The following RGP1 variants were observed in gnomAD, a reference collection of about 807,000 sequenced individuals.
RGP1 encodes the protein RAB6A-GEF complex partner protein 2.
A neutral mutation model predicts 44.5 loss-of-function variants in RGP1; 28 were observed. That is an observed-to-expected ratio of 0.63 (90% CI 0.47 to 0.86). The LOEUF (loss-of-function observed/expected upper bound fraction) is 0.86. Among genes scored for constraint, RGP1 ranks in the 40% least tolerant of loss-of-function variants. The probability of loss-of-function intolerance (pLI) is 0.00; values close to 1 mark genes in which losing one functional copy is unlikely to be tolerated. For synonymous variants in RGP1, 212 were observed against 196.7 expected, an observed-to-expected ratio of 1.08 and a Z score of -0.65; for missense variants, 417 against 490.7, an observed-to-expected ratio of 0.85 and a Z score of 1.42.
chr9:35,769,657 G>A, the RGP1 span, among the ~76,000 whole-genome samples: 1 of 152,138 alleles, frequency 6.6e-6, no homozygotes, highest in Non-Finnish European at 1.5e-5. Flanking sequence ...AAAGTTTCAG[G>A]CAGAAGGAAC....
At chr9:35,773,525 C>T in the RGP1 span, among the ~76,000 whole-genome samples, 504 of 149,630 alleles carry the variant, frequency 3.4e-3, 3 homozygotes, top group African/African-American at 0.012. Flanking sequence ...TTTTTTGAGA[C>T]GGAGGCTGCT....
At chr9:35,787,124 A>G in the RGP1 span, among the ~76,000 whole-genome samples, 8,731 of 151,400 alleles carry the variant, frequency 0.058, 844 homozygotes, top group African/African-American at 0.2. Flanking sequence ...TTTTTTAAAT[A>G]ATAAATTAAA....
the RGP1 span, among the ~76,000 whole-genome samples, chr9:35,782,134 C>G: frequency 2.8e-4 from 42 of 151,720 alleles, no homozygotes; most frequent in African/African-American, 7.5e-4. Flanking sequence ...TTACAGGCGC[C>G]TGCCACTATG....
downstream of RGP1, among the ~76,000 whole-genome samples, chr9:35,761,887 C>G (rs186312039): frequency 1.3e-4 from 20 of 152,242 alleles, no homozygotes; most frequent in East Asian, 3.9e-3. Flanking sequence ...GGTGTGGTGG[C>G]TCACACCTGT....
At chr9:35,783,668 C>T in the RGP1 span, among the ~76,000 whole-genome samples, 1 of 152,040 alleles carries the variant, frequency 6.6e-6, no homozygotes, top group Non-Finnish European at 1.5e-5. Context: ...GTAAATATAC[C>T]ACATTATCTT....
the RGP1 span, among the ~76,000 whole-genome samples, chr9:35,783,075 C>G: frequency 2.0e-5 from 3 of 152,188 alleles, no homozygotes; most frequent in Non-Finnish European, 2.9e-5. Flanking sequence ...TCCCAAAGTG[C>G]TGGGATTACA....
In RGP1 at chr9:35,749,333, C is replaced by T. The variant is rs993609834; in HGVS notation, c.-95C>T. Reference sequence around the variant, plus strand: ...CGGACGCCGCCGCCGCCGCCGCCGCCGCGTACCTAGCCAGGTCCCTGAGGG... The same window carrying T: ...CGGACGCCGCCGCCGCCGCCGCCGCTGCGTACCTAGCCAGGTCCCTGAGGG... On this transcript the variant is annotated 5_prime_UTR_variant, in exon 1 of 9. Transcript: ENST00000378078. The surrounding 1 kb of genome is among the most constrained non-coding windows in gnomAD (Gnocchi z 4.4). The T allele has an allele frequency of 3.8e-6, 2 of 531,690 alleles. No individual in the cohort carries two copies. Among genetic ancestry groups the T allele is most frequent in the South Asian group, 2.8e-5 (2 of 71,284 alleles). 32.9% of individuals were successfully genotyped at this position (531,690 alleles called of 1,614,324 possible).
chr9:35,773,649 A>T, the RGP1 span, among the ~76,000 whole-genome samples: 1 of 151,908 alleles, frequency 6.6e-6, no homozygotes, highest in African/African-American at 2.4e-5. Flanking sequence ...CTACAGGCGC[A>T]TGCCACTAGG....
chr9:35,770,852 C>T, the RGP1 span, among the ~76,000 whole-genome samples: 1 of 152,188 alleles, frequency 6.6e-6, no homozygotes, highest in Non-Finnish European at 1.5e-5. Context: ...AATAGAGCAG[C>T]CTTCTGCCTG....
In RGP1 at chr9:35,757,371, G is replaced by A. The variant is rs531479525; in HGVS notation, c.*4497G>A. On this transcript the variant is annotated 3_prime_UTR_variant, in exon 9 of 9. Transcript: ENST00000378078. ...ACTGAACACAGTCTGACTGTATGGA[G>A]GCAGGTGGGGAGGGATCCCCTGGGA... 2.0e-5 allele frequency: 3 copies of A among 152,564 alleles called. No homozygotes were observed. The East Asian group carries it at 5.8e-4, about 29-fold the overall frequency. The allele number at this position is 152,564 out of a possible 1,614,324, so 9.5% of individuals were successfully genotyped here.
chr9:35,772,272 G>A, the RGP1 span: 3 of 152,220 alleles, frequency 2.0e-5, no homozygotes, highest in African/African-American at 7.2e-5. Flanking sequence ...TGGAGATGGG[G>A]AGCTTCGAGC....
the RGP1 span, among the ~76,000 whole-genome samples, chr9:35,774,888 T>TGG: frequency 3.0e-4 from 46 of 151,676 alleles, no homozygotes; most frequent in African/African-American, 1.1e-3. Context: ...CAAATTTTGG[T>TGG]GGGGGGGGCT....
Position 35,753,933 on chromosome 9 carries a change from G to A in RGP1, c.*1059G>A. The A allele has an allele frequency of 5.1e-6, 8 of 1,571,784 alleles. No individual in the cohort carries two copies. The African/African-American group carries it at 9.4e-5, about 19-fold the overall frequency. On this transcript the variant is annotated 3_prime_UTR_variant, in exon 9 of 9. Transcript: ENST00000378078. This position sits in a 1 kb window ranked among gnomAD's most constrained non-coding sequence, Gnocchi z 4.2. ...TGGGTATTTTGACACGGGATCATCT[G>A]TAAGGCCCCATCCTCCCTGTGCCCT...
the RGP1 span, among the ~76,000 whole-genome samples, chr9:35,788,774 C>A: frequency 6.6e-6 from 1 of 152,050 alleles, no homozygotes; most frequent in Non-Finnish European, 1.5e-5. Flanking sequence ...CCAAATACAG[C>A]CAAAATATTA....
chr9:35,759,910 A>ATTTTTCCTTTTTTTTTTTTTTTTTTTT (rs1827404216), downstream of RGP1, among the ~76,000 whole-genome samples: 1 of 97,006 alleles, frequency 1.0e-5, no homozygotes, highest in Non-Finnish European at 2.2e-5. Flanking sequence ...TCCTTTATTC[A>ATTTTTCCTTTTTTTTTTTTTTTTTTTT]TTTTTCCTTT....
the RGP1 span, among the ~76,000 whole-genome samples, chr9:35,787,148 A>G: frequency 6.6e-6 from 1 of 151,832 alleles, no homozygotes; most frequent in Non-Finnish European, 1.5e-5. Flanking sequence ...AATAAAAAAG[A>G]AAATATTTTG....
rs1385146662 is a variant in RGP1 at position 35,750,943 on chromosome 9, C to G, written c.441C>G (p.Ser147=). 2 of 1,613,868 alleles carry G rather than the reference C, an allele frequency of 1.2e-6. No homozygotes were observed. The highest frequency in any genetic ancestry group is 2.7e-5 in the African/African-American group (2 of 74,934). Residue 147 remains serine (S), a synonymous_variant, in exon 5 of 9, where the codon TCC becomes TCG. Transcript: ENST00000378078. ...CCATTGGCTGCCAGCGTGTCAACTC[C>G]CCTATCACTTTACTCAGAGTCCCTC... is the stretch of plus-strand genomic sequence containing the variant. ...KLTIGCQRVN[S]PITLLRVPLR... is the part of the protein sequence containing the mutation.
chr9:35,753,756 T>TAGTG lies in RGP1; in HGVS notation c.*884_*887dup. On this transcript the variant is annotated 3_prime_UTR_variant, in exon 9 of 9. Coordinates refer to ENST00000378078, the MANE Select transcript of RGP1 (RefSeq NM_001080496.3). The surrounding 1 kb of genome is among the most constrained non-coding windows in gnomAD (Gnocchi z 4.2). ...ACCCAGGGTAAAATATTTCCCCTCA[T>TAGTG]AGTGACAGGGGGCTAGGGAAGAACG... 6.2e-7 allele frequency: 1 copy of TAGTG among 1,613,612 alleles called. No individual in the cohort carries two copies. The highest frequency in any genetic ancestry group is 8.5e-7 in the Non-Finnish European group (1 of 1,179,542).
Position 35,751,654 on chromosome 9 carries a change from G to A in RGP1, c.662G>A (p.Gly221Glu). The A allele has an allele frequency of 6.2e-7, 1 of 1,613,990 alleles. No homozygotes were observed. The change falls in exon 7 of 9, where the codon GGG becomes GAG. Residue 221 changes from glycine (G) to glutamate (E), a missense_variant. Gly to Glu is a moderately conservative substitution (Grantham distance 98, BLOSUM62 -2). Transcript: ENST00000378078. ...LHLYNISDGR[G>E]KVGTFGIFKS... ...CTATACAATATCAGTGATGGCCGAGGGAAAGTTGGGACGTTTGGCATCTTC... is the reference window on the plus strand; with the variant it reads ...CTATACAATATCAGTGATGGCCGAGAGAAAGTTGGGACGTTTGGCATCTTC...
Sources: gnomAD v4.1 joint callset for allele counts (sites outside exome capture counted in the v4.1 genomes callset) on GRCh38, gnomAD v4.1.1 for gene constraint, Gnocchi (gnomAD v3.1) non-coding constraint, MANE v1.5 for transcripts, NCBI Gene and HGNC (gene_info 2026-07-23, HGNC 2026-07-21) for gene names.